The following USP15 variants were observed in gnomAD, a reference collection of about 807,000 sequenced individuals.
The protein encoded by USP15 is ubiquitin carboxyl-terminal hydrolase 15.
USP15 carries 18 observed loss-of-function variants against 127.1 expected under a neutral mutation model. The ratio of observed to expected loss-of-function variants is 0.14; its 90% CI spans 0.10 to 0.21. The LOEUF is 0.21. Among genes scored for constraint, USP15 ranks in the 10% least tolerant of loss-of-function variants. USP15 has a pLI of 1.00. For synonymous variants in USP15, 364 were observed against 393.7 expected (o/e 0.92, Z 0.89); for missense variants, 805 against 1,159.9 (o/e 0.69, Z 4.44).
At chr12:62,367,861 T>A (rs1273858236) in intron 8 of USP15, among the ~76,000 whole-genome samples, 1 of 152,190 alleles carries the variant, frequency 6.6e-6, no homozygotes, top group Non-Finnish European at 1.5e-5. Context: ...ATCTTTTGAA[T>A]TTGTTTGCTC....
chr12:62,278,970 A>G (rs528581939), intron 1 of USP15: 2 of 152,284 alleles, frequency 1.3e-5, no homozygotes, highest in African/African-American at 4.8e-5. Context: ...ATCTTAAGTC[A>G]CACCGTAAGT....
chr12:62,396,749 T>C (rs1216301790), intron 20 of USP15, among the ~76,000 whole-genome samples: 2 of 152,312 alleles, frequency 1.3e-5, no homozygotes, highest in Middle Eastern at 6.8e-3. Context: ...TACTGTGCTG[T>C]AGATATCACT....
At chr12:62,304,709 G>A in intron 3 of USP15, 1 of 453,942 alleles carries the variant, frequency 2.2e-6, no homozygotes. Flanking sequence ...AGAAAGCAAG[G>A]ATATAAGCAG....
intron 8 of USP15, among the ~76,000 whole-genome samples, chr12:62,368,089 G>A (rs563246676): frequency 1.3e-5 from 2 of 152,144 alleles, no homozygotes; most frequent in African/African-American, 2.4e-5. Flanking sequence ...TCAGGAGCAG[G>A]TTGTTCAGTT....
chr12:62,279,902 T>C (rs2063601837), intron 1 of USP15, among the ~76,000 whole-genome samples: 1 of 152,224 alleles, frequency 6.6e-6, no homozygotes, highest in Admixed American at 6.5e-5. Context: ...TATGTGAGTC[T>C]GGCTCTTATT....
rs372955090 is a variant in USP15, at chr12:62,360,175, A to G, written c.915+4700A>G. Among the ~76,000 whole-genome samples, 11 of 152,058 alleles carry G rather than the reference A, an allele frequency of 7.2e-5. No homozygotes were observed. The East Asian group carries it at 7.7e-4, about 11-fold the overall frequency. On this transcript the variant is annotated intron_variant, in intron 8 of 21. Coordinates refer to ENST00000280377, the MANE Select transcript of USP15 (RefSeq NM_001252078.2). Reference sequence around the variant, plus strand: ...CCATTGGAAAGCAGCATGGCATAAGATGGTTATTTTCAAAATATTTACTTG... The same window carrying G: ...CCATTGGAAAGCAGCATGGCATAAGGTGGTTATTTTCAAAATATTTACTTG...
At chr12:62,302,058 G>T (rs1044136537) in intron 2 of USP15, among the ~76,000 whole-genome samples, 1 of 152,144 alleles carries the variant, frequency 6.6e-6, no homozygotes. Context: ...TTTGAAAGTG[G>T]ACTGTGAATT....
Position 62,404,290 on chromosome 12 carries a change from C to T in USP15, c.2861C>T (p.Ala954Val). ...LDRETKGASA[A>V]TGIPLESDED... The stretch of plus-strand genomic sequence containing the variant: ...CGAGAAACTAAAGGTGCTTCAGCTG[C>T]CACTGGCATCCCATTAGAAAGTGAT... The change falls in exon 22 of 22, where the codon GCC (alanine) becomes GTC (valine). Residue 954 changes from alanine to valine, a missense_variant. Physicochemically the swap from Ala to Val is moderately conservative, Grantham distance 64. Transcript: ENST00000280377. The T allele has an allele frequency of 6.2e-7, 1 of 1,613,244 alleles. No individual in the cohort carries two copies. The highest frequency in any genetic ancestry group is 8.5e-7 in the Non-Finnish European group (1 of 1,179,378).
At chr12:62,322,749 G>A (rs2065019243) in intron 5 of USP15, among the ~76,000 whole-genome samples, 1 of 152,186 alleles carries the variant, frequency 6.6e-6, no homozygotes, top group East Asian at 1.9e-4. Context: ...ATTAAGTCCA[G>A]GCACTTTAAG....
At chr12:62,378,570 A>T (rs1023518568) in intron 8 of USP15, among the ~76,000 whole-genome samples, 6 of 152,160 alleles carry the variant, frequency 3.9e-5, no homozygotes, top group African/African-American at 1.4e-4. Context: ...ATTGAATTAT[A>T]ATCAGTTTGA....
rs1159148527 is a variant in USP15 at position 62,341,067 on chromosome 12, G to A, written c.684-8154G>A. ...ATGAATCTGGGTGCTCCTATATTGG[G>A]TCCACATATATTTAGGATAGTTAGC... On this transcript the variant is annotated intron_variant, in intron 6 of 21. Transcript: ENST00000280377. Among the ~76,000 whole-genome samples the A allele has an allele frequency of 3.9e-5, 6 of 152,094 alleles. No homozygotes were observed. In the East Asian group the frequency reaches 1.2e-3, roughly 29 times the overall value.
At chr12:62,374,093 A>C (rs12306066) in intron 8 of USP15, among the ~76,000 whole-genome samples, 52,416 of 151,798 alleles carry the variant, frequency 0.35, 9,884 homozygotes, top group African/African-American at 0.51. Flanking sequence ...CATGGCGAAT[A>C]TGAAAATTCT....
chr12:62,361,135 T>A (rs1486929355), intron 8 of USP15, among the ~76,000 whole-genome samples: 4 of 151,686 alleles, frequency 2.6e-5, no homozygotes, highest in Non-Finnish European at 5.9e-5. Flanking sequence ...TAAGAAAGAG[T>A]ATATATGGGA....
chr12:62,351,122 AAGAACATTT>A (rs2065954130), intron 7 of USP15, among the ~76,000 whole-genome samples: 1 of 152,052 alleles, frequency 6.6e-6, no homozygotes, highest in African/African-American at 2.4e-5. Context: ...AATATGAATC[AAGAACATTT>A]AAAACATTTA....
rs113440005 is a variant in USP15 at position 62,393,237 on chromosome 12, A to G, written c.2570+35A>G. On this transcript the variant is annotated intron_variant, in intron 19 of 21. Transcript: ENST00000280377. ...AATTGTACTTTATAAGCATTGGGCA[A>G]CTCTTCTTTCAAACTTATTTGATGC... is the stretch of plus-strand genomic sequence containing the variant. 3 of 1,581,346 alleles carry G rather than the reference A, an allele frequency of 1.9e-6. No homozygotes were observed. In the East Asian group the frequency reaches 6.8e-5, roughly 36 times the overall value.
At chr12:62,296,907 T>TA (rs1031484712) in intron 2 of USP15, among the ~76,000 whole-genome samples, 5 of 151,774 alleles carry the variant, frequency 3.3e-5, no homozygotes, top group African/African-American at 9.7e-5. Context: ...GCCAGTTTTC[T>TA]AAAAAAAAAT....
rs73136829 is a variant in USP15 at position 62,336,403 on chromosome 12, A to T, written c.683+10470A>T. The T allele has an allele frequency of 0.1, 98,106 of 985,298 alleles. 5,185 individuals are homozygous for T. The highest frequency in any genetic ancestry group is 0.16 in the Middle Eastern group (297 of 1,914). The allele number at this position is 985,298 out of a possible 1,614,324, so 61.0% of individuals were successfully genotyped here. On this transcript the variant is annotated intron_variant, in intron 6 of 21. Coordinates refer to ENST00000280377, the MANE Select transcript of USP15 (RefSeq NM_001252078.2). Reference sequence around the variant, plus strand: ...CAAGTACCATCCAAGAGCCATCCTGAGTTCCTCCTCCAGCCTTTCTTCTCT... The same window carrying T: ...CAAGTACCATCCAAGAGCCATCCTGTGTTCCTCCTCCAGCCTTTCTTCTCT...
chr12:62,385,313 GT>G (rs2067114694), intron 11 of USP15, among the ~76,000 whole-genome samples: 1 of 151,830 alleles, frequency 6.6e-6, no homozygotes, highest in African/African-American at 2.4e-5. Flanking sequence ...AAATAGCTCA[GT>G]TTGTTAGTGC....
chr12:62,311,238 A>G, intron 3 of USP15, among the ~76,000 whole-genome samples: 1 of 151,932 alleles, frequency 6.6e-6, no homozygotes, highest in African/African-American at 2.4e-5. Flanking sequence ...ACCTAGTAAG[A>G]ACTGTGTTTT....
Sources: allele counts gnomAD v4.1 joint callset (sites outside exome capture counted in the v4.1 genomes callset), GRCh38; gene constraint gnomAD v4.1.1; transcripts MANE v1.5; gene names NCBI Gene and HGNC (gene_info 2026-07-23, HGNC 2026-07-21).